ITGA8: variants seen among roughly 807,000 people sequenced by gnomAD.
ITGA8 encodes the protein integrin subunit alpha 8.
In ITGA8, 91 loss-of-function variants were observed where a neutral mutation model predicts 142.3. The ratio of observed to expected loss-of-function variants is 0.64; its 90% CI spans 0.54 to 0.76. The LOEUF (loss-of-function observed/expected upper bound fraction) is 0.76. ITGA8 is among the 30% of genes least tolerant of loss of function. ITGA8 has a pLI of 0.00. For missense variants in ITGA8, 1,406 were observed against 1,327.7 expected, an observed-to-expected ratio of 1.06 and a Z score of -0.92; for synonymous variants, 505 against 485.2, an observed-to-expected ratio of 1.04 and a Z score of -0.54.
intron 13 of ITGA8, among the ~76,000 whole-genome samples, chr10:15,625,033 CA>C (rs1325279495): frequency 6.6e-6 from 1 of 151,032 alleles, no homozygotes; most frequent in Non-Finnish European, 1.5e-5. Context: ...TTTATTGCAA[CA>C]TGCAAAATAT....
chr10:15,622,361 T>TC (rs370399831), intron 13 of ITGA8, among the ~76,000 whole-genome samples: 34 of 151,644 alleles, frequency 2.2e-4, no homozygotes, highest in African/African-American at 7.7e-4. Flanking sequence ...GACATCTTCT[T>TC]TTTTTTGGAA....
chr10:15,634,186 A>G (rs1010486912), intron 13 of ITGA8, among the ~76,000 whole-genome samples: 2 of 151,956 alleles, frequency 1.3e-5, no homozygotes, highest in Non-Finnish European at 2.9e-5. Flanking sequence ...ATTATTTTGT[A>G]CCCTCTTAAA....
intron 2 of ITGA8, among the ~76,000 whole-genome samples, chr10:15,694,601 TA>T (rs1835012252): frequency 7.2e-6 from 1 of 138,276 alleles, no homozygotes; most frequent in Non-Finnish European, 1.5e-5. Flanking sequence ...AATGGATATA[TA>T]ATATAGTAAA....
chr10:15,657,843 TACAAAC>T (rs371740915), intron 10 of ITGA8, among the ~76,000 whole-genome samples: 2 of 152,332 alleles, frequency 1.3e-5, no homozygotes, highest in East Asian at 3.9e-4. Context: ...ACATATAAGT[TACAAAC>T]ACAAGGAATT....
rs749487171 is a variant in ITGA8, at chr10:15,646,823, T to C, written c.1207+23A>G. ...GCAGTGGTGACGACACATAAATGAC[T>C]TCCACGCTTTGGTTTAAATTACCAT... On this transcript the variant is annotated intron_variant, in intron 12 of 29. Transcript: ENST00000378076. 3.8e-6 allele frequency: 6 copies of C among 1,593,622 alleles called. No individual in the cohort carries two copies. The South Asian group carries it at 5.5e-5, about 15-fold the overall frequency.
At chr10:15,609,525 A>T (rs1833254995) in intron 15 of ITGA8, among the ~76,000 whole-genome samples, 1 of 152,186 alleles carries the variant, frequency 6.6e-6, no homozygotes, top group African/African-American at 2.4e-5. Context: ...ACATACCATT[A>T]AGCCAAAAGT....
intron 27 of ITGA8, among the ~76,000 whole-genome samples, chr10:15,537,544 G>A (rs780065880): frequency 3.9e-5 from 6 of 151,956 alleles, no homozygotes; most frequent in South Asian, 2.1e-4. Context: ...TGCAGACACC[G>A]GGTCTTCTTT....
At chr10:15,693,603 C>A (rs1834973604) in intron 2 of ITGA8, among the ~76,000 whole-genome samples, 1 of 152,126 alleles carries the variant, frequency 6.6e-6, no homozygotes, top group African/African-American at 2.4e-5. Context: ...ATAGACATTT[C>A]TATTTATGTC....
intron 13 of ITGA8, among the ~76,000 whole-genome samples, chr10:15,626,625 AC>A (rs147247984): frequency 0.023 from 3,504 of 152,206 alleles, 135 homozygotes; most frequent in African/African-American, 0.08. Flanking sequence ...TCAGGTATTT[AC>A]CCCAGACAAA....
At chr10:15,599,915 C>G (rs1833071711) in intron 20 of ITGA8, among the ~76,000 whole-genome samples, 2 of 151,828 alleles carry the variant, frequency 1.3e-5, no homozygotes, top group African/African-American at 4.8e-5. Flanking sequence ...AGTGAGACAC[C>G]ATCTCAAAAA....
chr10:15,708,327 T>A (rs1298906638), intron 2 of ITGA8, among the ~76,000 whole-genome samples: 1 of 152,060 alleles, frequency 6.6e-6, no homozygotes, highest in Non-Finnish European at 1.5e-5. Context: ...TCCCAGGTAA[T>A]CTTTGTGGTA....
intron 27 of ITGA8, among the ~76,000 whole-genome samples, chr10:15,532,213 T>C (rs1833316905): frequency 6.6e-6 from 1 of 150,570 alleles, no homozygotes; most frequent in South Asian, 2.1e-4. Context: ...AGGTTAGGAG[T>C]TCAAGACCAG....
intron 11 of ITGA8, 138 bp from the exon 12 acceptor site, chr10:15,647,189 T>A (rs1833998176): frequency 1.6e-6 from 1 of 640,944 alleles, no homozygotes; most frequent in African/African-American, 1.8e-5. Context: ...ATCAGATTGC[T>A]TTCGCTGCTT....
chr10:15,625,137 T>C (rs1833558740), intron 13 of ITGA8, among the ~76,000 whole-genome samples: 1 of 152,180 alleles, frequency 6.6e-6, no homozygotes, highest in Non-Finnish European at 1.5e-5. Flanking sequence ...ACAATCTGTC[T>C]GAAATGCTTC....
intron 28 of ITGA8, among the ~76,000 whole-genome samples, chr10:15,526,382 G>A (rs1833174921): frequency 6.6e-6 from 1 of 152,026 alleles, no homozygotes; most frequent in Non-Finnish European, 1.5e-5. Flanking sequence ...TACCATGTTG[G>A]TCAGGCTGGT....
intron 25 of ITGA8, among the ~76,000 whole-genome samples, chr10:15,566,444 T>A (rs1834081747): frequency 6.6e-6 from 1 of 152,176 alleles, no homozygotes; most frequent in Non-Finnish European, 1.5e-5. Context: ...CTCTCCTAGG[T>A]ACGGTTTCAC....
At chr10:15,640,874 G>C (rs1438864737) in intron 13 of ITGA8, among the ~76,000 whole-genome samples, 1 of 152,146 alleles carries the variant, frequency 6.6e-6, no homozygotes, top group African/African-American at 2.4e-5. Flanking sequence ...CACAGACAAT[G>C]GAACGAGCCA....
At chr10:15,659,418 G>A (rs933149243) in intron 9 of ITGA8, among the ~76,000 whole-genome samples, 2 of 152,290 alleles carry the variant, frequency 1.3e-5, no homozygotes, top group East Asian at 3.9e-4. Context: ...GATCATTATG[G>A]TTCTTTGCAA....
intron 25 of ITGA8, among the ~76,000 whole-genome samples, chr10:15,564,758 A>G (rs1232882866): frequency 2.6e-5 from 4 of 152,236 alleles, no homozygotes; most frequent in Non-Finnish European, 5.9e-5. Flanking sequence ...AACAAAAGCA[A>G]TGCACACTAT....
Sources: allele counts gnomAD v4.1 joint callset (sites outside exome capture counted in the v4.1 genomes callset), GRCh38; gene constraint gnomAD v4.1.1; transcripts MANE v1.5; gene names NCBI Gene and HGNC (gene_info 2026-07-23, HGNC 2026-07-21).